Variants in SH3RF1 observed in about 807,000 individuals in gnomAD.
SH3RF1 encodes E3 ubiquitin-protein ligase SH3RF1.
In SH3RF1, 32 loss-of-function variants were observed where a neutral mutation model predicts 74.0. The observed-to-expected ratio is 0.43, with a 90% confidence interval of 0.33 to 0.58. SH3RF1 has a LOEUF of 0.58. SH3RF1 is among the 20% of genes least tolerant of loss of function. The pLI, the probability that SH3RF1 is intolerant of heterozygous loss-of-function variation, is 0.05. For missense variants in SH3RF1, 954 were observed against 1,130.9 expected, an observed-to-expected ratio of 0.84 and a Z score of 2.24; for synonymous variants, 396 against 439.6, an observed-to-expected ratio of 0.90 and a Z score of 1.24.
intron 10 of SH3RF1, among the ~76,000 whole-genome samples, chr4:169,115,698 GCCACCACC>G (rs955831963): frequency 6.6e-6 from 1 of 152,002 alleles, no homozygotes; most frequent in Non-Finnish European, 1.5e-5. Context: ...CCATTTCCCC[GCCACCACC>G]CCTGGGTCCA....
At chr4:169,214,623 C>A (rs1223381354) in intron 2 of SH3RF1, among the ~76,000 whole-genome samples, 4 of 152,084 alleles carry the variant, frequency 2.6e-5, no homozygotes, top group Non-Finnish European at 5.9e-5. Flanking sequence ...GTTTTCCTTG[C>A]ACAGATATTG....
intron 2 of SH3RF1, among the ~76,000 whole-genome samples, chr4:169,218,111 A>G (rs1730495026): frequency 1.3e-5 from 2 of 149,544 alleles, no homozygotes; most frequent in South Asian, 2.1e-4. Flanking sequence ...TCTTAAATGT[A>G]TATGTATGCA....
intron 3 of SH3RF1, 49 bp from the exon 4 acceptor site, chr4:169,155,624 T>C (rs1251738522): frequency 8.2e-6 from 11 of 1,339,516 alleles, no homozygotes; most frequent in Non-Finnish European, 1.1e-5. Flanking sequence ...AGCTGTACCA[T>C]TAAGCTTGTC....
At chr4:169,178,681 G>C (rs1430060936) in intron 2 of SH3RF1, among the ~76,000 whole-genome samples, 1 of 152,122 alleles carries the variant, frequency 6.6e-6, no homozygotes, top group Non-Finnish European at 1.5e-5. Context: ...TGGGATTTAG[G>C]CCTTTCTCTC....
chr4:169,132,258 T>A (rs1485448486), intron 5 of SH3RF1, among the ~76,000 whole-genome samples: 1 of 152,280 alleles, frequency 6.6e-6, no homozygotes, highest in South Asian at 2.1e-4. Flanking sequence ...GAGAAAGATA[T>A]CATTATTGAT....
chr4:169,114,537 A>G (rs981123256), intron 10 of SH3RF1, among the ~76,000 whole-genome samples: 3 of 152,174 alleles, frequency 2.0e-5, no homozygotes, highest in African/African-American at 7.2e-5. Context: ...TATCACAAGT[A>G]CCTTTCAAGC....
chr4:169,252,737 G>A (rs1293325339), intron 2 of SH3RF1, among the ~76,000 whole-genome samples: 1 of 152,190 alleles, frequency 6.6e-6, no homozygotes, highest in Non-Finnish European at 1.5e-5. Flanking sequence ...AATACGTGCT[G>A]ATGGACTGAC....
chr4:169,170,813 T>C (rs141194541), intron 2 of SH3RF1, among the ~76,000 whole-genome samples: 319 of 152,312 alleles, frequency 2.1e-3, no homozygotes, highest in Admixed American at 3.6e-3. Flanking sequence ...CATCAGAGCA[T>C]GTGTCTCATC....
chr4:169,123,756 A>G (rs1391775494), intron 6 of SH3RF1, among the ~76,000 whole-genome samples: 1 of 152,084 alleles, frequency 6.6e-6, no homozygotes, highest in Non-Finnish European at 1.5e-5. Context: ...GCCGGGTGTG[A>G]TGGCGGGTGC....
At chr4:169,102,031 T>C (rs568702782) in intron 11 of SH3RF1, among the ~76,000 whole-genome samples, 2 of 152,300 alleles carry the variant, frequency 1.3e-5, no homozygotes, top group East Asian at 1.9e-4. Flanking sequence ...TTCTCTGTAG[T>C]TCATACATTT....
At chr4:169,151,253 T>C (rs1733971292) in intron 4 of SH3RF1, among the ~76,000 whole-genome samples, 1 of 152,146 alleles carries the variant, frequency 6.6e-6, no homozygotes, top group South Asian at 2.1e-4. Flanking sequence ...AGCTAGTAAC[T>C]ACATCAACAA....
intron 2 of SH3RF1, among the ~76,000 whole-genome samples, chr4:169,172,300 A>G (rs1734343483): frequency 6.6e-6 from 1 of 152,274 alleles, no homozygotes; most frequent in Non-Finnish European, 1.5e-5. Flanking sequence ...GTCCAGTTAC[A>G]GAAAGGAGGA....
At chr4:169,127,952 C>A (rs1318747232) in intron 6 of SH3RF1, among the ~76,000 whole-genome samples, 1 of 152,166 alleles carries the variant, frequency 6.6e-6, no homozygotes, top group Non-Finnish European at 1.5e-5. Context: ...AGTTAAGCAT[C>A]CCAAATCCAA....
intron 6 of SH3RF1, among the ~76,000 whole-genome samples, chr4:169,129,621 T>C (rs1215597918): frequency 6.6e-6 from 1 of 152,222 alleles, no homozygotes; most frequent in Non-Finnish European, 1.5e-5. Context: ...ATAATGAATC[T>C]TTAATGTAGA....
At chr4:169,183,615 G>A (rs1437217260) in intron 2 of SH3RF1, among the ~76,000 whole-genome samples, 1 of 152,030 alleles carries the variant, frequency 6.6e-6, no homozygotes, top group African/African-American at 2.4e-5. Context: ...GGGTGTGGTG[G>A]TGTACAACTG....
intron 11 of SH3RF1, among the ~76,000 whole-genome samples, 195 bp downstream of exon 11, chr4:169,106,652 A>C (rs1366587175): frequency 4.6e-5 from 7 of 152,190 alleles, no homozygotes; most frequent in Admixed American, 4.6e-4. Flanking sequence ...CCAACCCATT[A>C]AGAAACACGG....
At chr4:169,166,945 C>A in intron 2 of SH3RF1, 1 of 246,806 alleles carries the variant, frequency 4.1e-6, no homozygotes, top group South Asian at 5.7e-5. Context: ...GCCCAGATAT[C>A]AAGAAGGTGA....
intron 11 of SH3RF1, among the ~76,000 whole-genome samples, chr4:169,105,719 C>G (rs1160660125): frequency 6.6e-6 from 1 of 152,078 alleles, no homozygotes; most frequent in Non-Finnish European, 1.5e-5. Flanking sequence ...CATGGGAGAC[C>G]CCGTCTTTAC....
At position 169,107,039 on chromosome 4, in the gene SH3RF1, C is replaced by T. The variant is rs753214397; in HGVS notation, c.2306G>A (p.Arg769Lys). 6.2e-7 allele frequency: 1 copy of T among 1,613,914 alleles called. No homozygotes were observed. The highest frequency in any genetic ancestry group is 8.5e-7 in the Non-Finnish European group (1 of 1,179,944). Residue 769 changes from arginine to lysine, a missense_variant, in exon 11 of 12, where the codon AGG becomes AAG. Arg to Lys is a conservative substitution (Grantham distance 26). Around this residue, in one of 3 missense-constraint regions of SH3RF1, gnomAD observed 854 missense variants for 962.5 expected, o/e 0.89. Coordinates refer to ENST00000284637, the MANE Select transcript of SH3RF1 (RefSeq NM_020870.4). ...CCCGTCCACAGGGCAGGAGCCTGCC[C>T]TGCCATGGCCACCTCCTGGTGGCAG... The part of the protein sequence containing the change: ...PELPPGGGHG[R>K]AGSCPVDGDG...
Sources: gnomAD v4.1 joint callset for allele counts (sites outside exome capture counted in the v4.1 genomes callset) on GRCh38, gnomAD v4.1.1 for gene constraint, gnomAD v4.1.1 regional missense constraint, MANE v1.5 for transcripts, NCBI Gene and HGNC (gene_info 2026-07-23, HGNC 2026-07-21) for gene names.